Variants in GRXCR2 observed in about 807,000 individuals in gnomAD.
GRXCR2 encodes glutaredoxin and cysteine rich domain containing 2, also known as glutaredoxin domain-containing cysteine-rich protein 2.
A neutral mutation model predicts 24.8 loss-of-function variants in GRXCR2; 23 were observed. That is an observed-to-expected ratio of 0.93 (90% CI 0.67 to 1.32). The LOEUF (loss-of-function observed/expected upper bound fraction) is 1.32, where lower values mean the gene tolerates loss of function less well. GRXCR2 is among the 40% of genes most tolerant of loss of function. GRXCR2 has a pLI of 0.00. For missense variants in GRXCR2, 315 were observed against 303.4 expected (o/e 1.04, Z -0.28); for synonymous variants, 130 against 116.1 (o/e 1.12, Z -0.77).
chr5:145,904,766 T>C (rs1259568036), intron 2 of GRXCR2, among the ~76,000 whole-genome samples: 1 of 152,222 alleles, frequency 6.6e-6, no homozygotes, highest in Non-Finnish European at 1.5e-5. Flanking sequence ...TTCCCTCTCA[T>C]GGTTCTGCAG....
chr5:145,877,337 A>C (rs1756633392), upstream of GRXCR2, among the ~76,000 whole-genome samples: 1 of 151,736 alleles, frequency 6.6e-6, no homozygotes. Flanking sequence ...ATCTTCTGAT[A>C]CTACCTCTTC....
chr5:145,876,701 A>G (rs528511882), upstream of GRXCR2, among the ~76,000 whole-genome samples: 41 of 152,126 alleles, frequency 2.7e-4, no homozygotes, highest in Non-Finnish European at 5.6e-4. Flanking sequence ...GCCATTTCCC[A>G]TGTTCACAGA....
At chr5:145,876,262 T>C (rs1489037969), upstream of GRXCR2, among the ~76,000 whole-genome samples, 1 of 144,322 alleles carries the variant, frequency 6.9e-6, no homozygotes, top group African/African-American at 2.6e-5. Context: ...CACATATAAA[T>C]GTAACAATTA....
At chr5:145,908,620 G>A (rs933885834) in intron 2 of GRXCR2, among the ~76,000 whole-genome samples, 3 of 152,218 alleles carry the variant, frequency 2.0e-5, no homozygotes, top group Non-Finnish European at 4.4e-5. Flanking sequence ...AGCAAATTCA[G>A]TGTGTATTTC....
At chr5:145,928,169 C>T (rs1321461681) in intron 2 of GRXCR2, among the ~76,000 whole-genome samples, 15 of 151,798 alleles carry the variant, frequency 9.9e-5, no homozygotes, top group Non-Finnish European at 1.3e-4. Flanking sequence ...TCATCACTGG[C>T]CATCAGAGAA....
intron 2 of GRXCR2, among the ~76,000 whole-genome samples, chr5:145,886,777 A>C (rs898335488): frequency 1.3e-5 from 2 of 152,202 alleles, no homozygotes; most frequent in Admixed American, 1.3e-4. Flanking sequence ...GATGAAATTA[A>C]TTTTATTAAT....
chr5:145,898,264 A>C (rs1330098356), intron 2 of GRXCR2, among the ~76,000 whole-genome samples: 1 of 151,738 alleles, frequency 6.6e-6, no homozygotes, highest in East Asian at 1.9e-4. Flanking sequence ...AGATTGAATC[A>C]GTTCTGAAAT....
intron 2 of GRXCR2, among the ~76,000 whole-genome samples, chr5:145,914,555 A>C (rs894885554): frequency 1.1e-4 from 17 of 151,686 alleles, no homozygotes; most frequent in Non-Finnish European, 2.4e-4. Context: ...GTGCGCTTAT[A>C]ATCTCAGCTA....
At chr5:145,877,356 T>C (rs979022194), upstream of GRXCR2, among the ~76,000 whole-genome samples, 19 of 136,344 alleles carry the variant, frequency 1.4e-4, no homozygotes, top group African/African-American at 5.4e-4. Context: ...TCACTATTCT[T>C]TTTTTTTTTT....
intron 2 of GRXCR2, among the ~76,000 whole-genome samples, chr5:145,925,645 T>C (rs1757382838): frequency 6.6e-6 from 1 of 152,294 alleles, no homozygotes. Flanking sequence ...GACACAGACA[T>C]GGTTCCTGCA....
chr5:145,866,434 C>T, intron 2 of GRXCR2, 67 bp downstream of exon 2: 1 of 1,144,430 alleles, frequency 8.7e-7, no homozygotes. Context: ...AGTGCACAAT[C>T]AAGCCAGCTT....
chr5:145,866,146 A>AG (rs1335860480), intron 2 of GRXCR2, among the ~76,000 whole-genome samples: 1 of 151,460 alleles, frequency 6.6e-6, no homozygotes, highest in East Asian at 1.9e-4. Flanking sequence ...AAAAAAAAAA[A>AG]AAAAAGAAAG....
rs574476295 is a variant in GRXCR2, at chr5:145,921,128, T to C, written c.-70+14573A>G. Among the ~76,000 whole-genome samples, 7 of 152,332 alleles carry C rather than the reference T, an allele frequency of 4.6e-5. No homozygotes were observed. In the East Asian group the frequency reaches 1.2e-3, roughly 25 times the overall value. On this transcript the variant is annotated intron_variant, in intron 2 of 3. Coordinates refer to the GRXCR2 transcript ENST00000639411. Reference sequence around the variant, plus strand: ...ATTTAATTCTCAACAAAAACCCATGTCAGGTAGGCATTCTGAAATCACATA... The same window carrying C: ...ATTTAATTCTCAACAAAAACCCATGCCAGGTAGGCATTCTGAAATCACATA...
At chr5:145,926,128 G>A (rs1421478864) in intron 2 of GRXCR2, among the ~76,000 whole-genome samples, 3 of 152,160 alleles carry the variant, frequency 2.0e-5, no homozygotes, top group African/African-American at 7.2e-5. Flanking sequence ...AAGAAAGGGA[G>A]AAAGACAGGT....
intron 2 of GRXCR2, among the ~76,000 whole-genome samples, chr5:145,922,537 AG>A (rs1323052465): frequency 6.6e-6 from 1 of 152,232 alleles, no homozygotes; most frequent in Non-Finnish European, 1.5e-5. Context: ...GCACAATGCC[AG>A]GCACATAGTA....
At chr5:145,867,958 G>T (rs1383979293) in intron 1 of GRXCR2, among the ~76,000 whole-genome samples, 1 of 152,042 alleles carries the variant, frequency 6.6e-6, no homozygotes, top group Non-Finnish European at 1.5e-5. Flanking sequence ...TAAACCTAGT[G>T]ATGTAAGAGT....
Position 145,859,849 on chromosome 5 carries a change from A to C in GRXCR2, c.631T>G (p.Cys211Gly). 1 of 1,613,282 alleles carries C rather than the reference A, an allele frequency of 6.2e-7. No individual in the cohort carries two copies. Among genetic ancestry groups the C allele is most frequent in the African/African-American group, 1.3e-5 (1 of 75,032 alleles). The change falls in exon 3 of 3, where the codon TGC (cysteine) becomes GGC (glycine). Residue 211 changes from cysteine to glycine, a missense_variant. Transcript: ENST00000377976. ...RGSGSATCSL[C>G]HGSKFSMLAN... Reference sequence around the variant, plus strand: ...AGCATCGAGAACTTGCTGCCGTGGCACAGAGAGCAGGTGGCACTGCCCGAC... The same window carrying C: ...AGCATCGAGAACTTGCTGCCGTGGCCCAGAGAGCAGGTGGCACTGCCCGAC...
At chr5:145,870,447 T>C (rs1414410477) in intron 1 of GRXCR2, among the ~76,000 whole-genome samples, 1 of 152,194 alleles carries the variant, frequency 6.6e-6, no homozygotes, top group African/African-American at 2.4e-5. Flanking sequence ...TTGTGTTGTA[T>C]GTACATACCG....
intron 2 of GRXCR2, among the ~76,000 whole-genome samples, chr5:145,894,971 C>T (rs1288500255): frequency 6.6e-6 from 1 of 152,184 alleles, no homozygotes; most frequent in Non-Finnish European, 1.5e-5. Context: ...GGATGCAAGG[C>T]TGGTTCAACA....
Sources: allele counts gnomAD v4.1 joint callset (sites outside exome capture counted in the v4.1 genomes callset), GRCh38; gene constraint gnomAD v4.1.1; transcripts MANE v1.5; gene names NCBI Gene and HGNC (gene_info 2026-07-23, HGNC 2026-07-21).